Variants in LIX1L observed in about 807,000 individuals in gnomAD.
The protein encoded by LIX1L is LIX1-like protein.
A neutral mutation model predicts 34.0 loss-of-function variants in LIX1L; 20 were observed. The observed-to-expected ratio is 0.59, with a 90% confidence interval of 0.41 to 0.85. The LOEUF is 0.85. Among genes scored for constraint, LIX1L ranks in the 40% least tolerant of loss-of-function variants. LIX1L has a pLI of 0.00. For missense variants in LIX1L, 397 were observed against 447.0 expected (o/e 0.89, Z 1.01); for synonymous variants, 170 against 187.4 (o/e 0.91, Z 0.76).
At chr1:145,950,353 G>A (rs1165995611) in intron 1 of LIX1L, 10 of 152,210 alleles carry the variant, frequency 6.6e-5, no homozygotes, top group African/African-American at 2.4e-4. Flanking sequence ...TCAGACTGTA[G>A]TACAGTTTTT....
rs1648520270 is a variant in LIX1L, at chr1:145,933,852, A to C, written c.*2458T>G. ...TGGAGAATTCAAGGAAGCCCGTTTC[A>C]AGCACTAATAAAATTGTAGCTGGAT... On this transcript the variant is annotated 3_prime_UTR_variant, in exon 6 of 6. Transcript: ENST00000604000. The C allele has an allele frequency of 6.6e-6, 1 of 152,216 alleles. No individual in the cohort carries two copies. The highest frequency in any genetic ancestry group is 1.5e-5 in the Non-Finnish European group (1 of 68,022). 9.4% of individuals were successfully genotyped at this position (152,216 alleles called of 1,614,324 possible). A position where few individuals can be genotyped will look rare whatever the true frequency, so the allele number is the denominator to read the frequency against.
chr1:145,940,750 C>T (rs1370673366), intron 3 of LIX1L, among the ~76,000 whole-genome samples: 1 of 150,444 alleles, frequency 6.6e-6, no homozygotes, highest in East Asian at 1.9e-4. Context: ...GACGGAGTTT[C>T]ACCATGTCAG....
At chr1:145,945,103 G>C (rs1487338022) in intron 2 of LIX1L, among the ~76,000 whole-genome samples, 1 of 151,876 alleles carries the variant, frequency 6.6e-6, no homozygotes, top group African/African-American at 2.4e-5. Flanking sequence ...AGCTGAGGCA[G>C]GCAGATCACC....
At chr1:145,950,625 C>T (rs1253196960) in intron 1 of LIX1L, among the ~76,000 whole-genome samples, 1 of 152,260 alleles carries the variant, frequency 6.6e-6, no homozygotes, top group Non-Finnish European at 1.5e-5. Context: ...CTCGGCCTCC[C>T]AAAGTGCTGG....
rs1201418119 is a variant in LIX1L at position 145,948,769 on chromosome 1, T to C, written c.293-987A>G. On this transcript the variant is annotated intron_variant, in intron 1 of 5. Coordinates refer to ENST00000604000, the MANE Select transcript of LIX1L (RefSeq NM_153713.3). The surrounding 1 kb of genome is among the most constrained non-coding windows in gnomAD (Gnocchi z 4.0). Reference sequence around the variant, plus strand: ...TTGCAAATCCCTGACTGCTCTTTACTTGGGCTATTTTTCAGGACTGTGCTT... The same window carrying C: ...TTGCAAATCCCTGACTGCTCTTTACCTGGGCTATTTTTCAGGACTGTGCTT... The C allele has an allele frequency of 6.6e-6, 1 of 152,232 alleles. No homozygotes were observed. The highest frequency in any genetic ancestry group is 1.5e-5 in the Non-Finnish European group (1 of 68,042). The allele number at this position is 152,232 out of a possible 1,614,324, so 9.4% of individuals were successfully genotyped here.
intron 1 of LIX1L, among the ~76,000 whole-genome samples, chr1:145,956,706 A>T (rs1402878151): frequency 2.6e-5 from 4 of 152,194 alleles, no homozygotes; most frequent in African/African-American, 9.7e-5. Context: ...TCCAGGCTTA[A>T]ATTCTGTATT....
chr1:145,936,133 A>G lies in LIX1L; in HGVS notation c.*177T>C. The G allele has an allele frequency of 1.5e-6, 1 of 685,820 alleles. No homozygotes were observed. Among genetic ancestry groups the G allele is most frequent in the South Asian group, 2.1e-5 (1 of 46,654 alleles). The allele number at this position is 685,820 out of a possible 1,614,324, so 42.5% of individuals were successfully genotyped here. ...GTTTCAAATAAAACTACATCCAAAA[A>G]CTGGTAGTAAGAAAAGGGATCTCTT... is the stretch of plus-strand genomic sequence containing the variant. On this transcript the variant is annotated 3_prime_UTR_variant, in exon 6 of 6. Coordinates refer to ENST00000604000, the MANE Select transcript of LIX1L (RefSeq NM_153713.3).
Position 145,957,963 on chromosome 1 carries a change from C to A in LIX1L, c.-36G>T. 7.2e-7 allele frequency: 1 copy of A among 1,385,910 alleles called. No homozygotes were observed. The highest frequency in any genetic ancestry group is 9.4e-7 in the Non-Finnish European group (1 of 1,059,464). 85.9% of individuals were successfully genotyped at this position (1,385,910 alleles called of 1,614,324 possible). A position where few individuals can be genotyped will look rare whatever the true frequency, so the allele number is the denominator to read the frequency against. ...AATGGAGTAGCGCCCCGGAGCCTGC[C>A]AGCCTGCCGAGCTAACGGTCCCAAC... On this transcript the variant is annotated 5_prime_UTR_variant, in exon 1 of 6. Coordinates refer to ENST00000604000, the MANE Select transcript of LIX1L (RefSeq NM_153713.3).
intron 3 of LIX1L, among the ~76,000 whole-genome samples, chr1:145,938,077 G>A (rs1200198229): frequency 6.6e-6 from 1 of 151,278 alleles, no homozygotes. Flanking sequence ...TGCAGAGATC[G>A]GGCTACTGCA....
chr1:145,958,009 T>C lies in LIX1L; in HGVS notation c.-82A>G, dbSNP rs587609743. 2.8e-5 allele frequency: 28 copies of C among 1,015,084 alleles called. No homozygotes were observed. The highest frequency in any genetic ancestry group is 8.2e-5 in the Admixed American group (2 of 24,486). The allele number at this position is 1,015,084 out of a possible 1,614,324, so 62.9% of individuals were successfully genotyped here. ...CCAACCACCCCAGTCAGCTAGCGCC[T>C]GGGGACTCAGGGCGGTGCCAGGGCC... On this transcript the variant is annotated 5_prime_UTR_variant, in exon 1 of 6. Coordinates refer to ENST00000604000, the MANE Select transcript of LIX1L (RefSeq NM_153713.3).
intron 1 of LIX1L, among the ~76,000 whole-genome samples, chr1:145,953,882 C>T (rs1649381728): frequency 6.6e-6 from 1 of 151,994 alleles, no homozygotes; most frequent in Non-Finnish European, 1.5e-5. Flanking sequence ...TGTGGGATCT[C>T]ATCTCTACAA....
intron 4 of LIX1L, 85 bp from the exon 5 acceptor site, chr1:145,937,070 A>T: frequency 1.1e-6 from 1 of 894,314 alleles, no homozygotes; most frequent in South Asian, 1.4e-5. Flanking sequence ...CCTTTTACAA[A>T]ATGGATTTGT....
chr1:145,938,123 GAA>G (rs1221307781), intron 3 of LIX1L, among the ~76,000 whole-genome samples: 3 of 115,278 alleles, frequency 2.6e-5, no homozygotes, highest in African/African-American at 6.3e-5. Context: ...CTCTGTCTCA[GAA>G]AAAAAAAAAA....
chr1:145,952,535 T>C, intron 1 of LIX1L, among the ~76,000 whole-genome samples: 1 of 152,302 alleles, frequency 6.6e-6, no homozygotes, highest in South Asian at 2.1e-4. Flanking sequence ...AGTTTTTGCC[T>C]TTAGGAGATA....
At chr1:145,937,758 C>G (rs1375996078) in intron 3 of LIX1L, 59 bp from the exon 4 acceptor site, 2 of 970,956 alleles carry the variant, frequency 2.1e-6, no homozygotes, top group African/African-American at 3.2e-5. Context: ...TCATCTCAAG[C>G]AGCACTGTCC....
At chr1:145,937,193 T>C (rs1648689679) in intron 4 of LIX1L, among the ~76,000 whole-genome samples, 1 of 151,838 alleles carries the variant, frequency 6.6e-6, no homozygotes, top group Non-Finnish European at 1.5e-5. Flanking sequence ...CTTACTTATT[T>C]GAGACAGAGT....
intron 2 of LIX1L, among the ~76,000 whole-genome samples, chr1:145,943,382 C>T (rs1177031546): frequency 2.6e-5 from 4 of 152,168 alleles, no homozygotes; most frequent in Non-Finnish European, 5.9e-5. Flanking sequence ...CAGGCATTTT[C>T]TCAAATAACG....
chr1:145,957,266 G>A (rs1553760463), intron 1 of LIX1L, among the ~76,000 whole-genome samples: 1 of 152,178 alleles, frequency 6.6e-6, no homozygotes, highest in East Asian at 1.9e-4. Context: ...GTATGGATGA[G>A]AAATTGGATC....
At chr1:145,943,988 G>C (rs969121123) in intron 2 of LIX1L, among the ~76,000 whole-genome samples, 29 of 152,142 alleles carry the variant, frequency 1.9e-4, no homozygotes, top group Admixed American at 1.4e-3. Flanking sequence ...GCTGCAGTGA[G>C]TTATGATCAC....
Sources: gnomAD v4.1 joint callset for allele counts (sites outside exome capture counted in the v4.1 genomes callset) on GRCh38, gnomAD v4.1.1 for gene constraint, Gnocchi (gnomAD v3.1) non-coding constraint, MANE v1.5 for transcripts, NCBI Gene and HGNC (gene_info 2026-07-23, HGNC 2026-07-21) for gene names.